Variants in DIAPH2 observed in about 807,000 individuals in gnomAD.
The protein encoded by DIAPH2 is protein diaphanous homolog 2.
DIAPH2 carries 35 observed loss-of-function variants against 92.7 expected under a neutral mutation model. That is an observed-to-expected ratio of 0.38 (90% CI 0.29 to 0.50). The LOEUF (loss-of-function observed/expected upper bound fraction) is 0.50, where lower values mean the gene tolerates loss of function less well. Ranked by LOEUF, DIAPH2 falls within the 20% of genes least tolerant of loss-of-function variation. DIAPH2 has a pLI of 0.94. For missense variants in DIAPH2, 701 were observed against 819.5 expected (o/e 0.86, Z 1.77); for synonymous variants, 301 against 280.4 (o/e 1.07, Z -0.73).
chrX:97,379,151 GGAATC>G (rs1466483479), intron 24 of DIAPH2, among the ~76,000 whole-genome samples: 16 of 110,799 alleles, frequency 1.4e-4, no homozygotes, highest in African/African-American at 4.9e-4. Flanking sequence ...TGATATATAT[GGAATC>G]GTAGAATTAC....
chrX:97,498,135 T>C (rs5920925), intron 26 of DIAPH2, among the ~76,000 whole-genome samples: 48,497 of 110,155 alleles, frequency 0.44, 9,228 homozygotes, highest in Non-Finnish European at 0.59. Context: ...TGTAACTTAC[T>C]AATCCTTCTA....
rs902659285 is a variant in DIAPH2, at chrX:96,850,068, T to C, written c.448-31511T>C. On this transcript the variant is annotated intron_variant, in intron 4 of 26. Coordinates refer to ENST00000324765, the MANE Select transcript of DIAPH2 (RefSeq NM_006729.5). ...TAGAAATAATTATTCCTAGAGACCATGTGATATTTCCACCTTTAGTGTCTA... is the reference window on the plus strand; with the variant it reads ...TAGAAATAATTATTCCTAGAGACCACGTGATATTTCCACCTTTAGTGTCTA... 5.4e-5 allele frequency among the ~76,000 whole-genome samples: 6 copies of C among 111,269 alleles called. No homozygotes were observed. The Admixed American group carries it at 5.8e-4, about 11-fold the overall frequency.
chrX:97,196,337 T>C (rs2067704045), intron 22 of DIAPH2, among the ~76,000 whole-genome samples: 1 of 112,225 alleles, frequency 8.9e-6, no homozygotes. Context: ...CCTTTGCTCA[T>C]TCAGTTCCAT....
chrX:97,093,226 G>T (rs1349247631), intron 19 of DIAPH2, among the ~76,000 whole-genome samples: 1 of 102,462 alleles, frequency 9.8e-6, no homozygotes, highest in Non-Finnish European at 2.0e-5. Context: ...AGAGAGGGAG[G>T]GAGGGAGGGG....
intron 20 of DIAPH2, among the ~76,000 whole-genome samples, chrX:97,103,360 C>A (rs183883408): frequency 1.3e-3 from 143 of 111,128 alleles, no homozygotes; most frequent in African/African-American, 4.4e-3. Flanking sequence ...CTTGCTACTG[C>A]CTTCTCTCCA....
intron 17 of DIAPH2, among the ~76,000 whole-genome samples, chrX:96,965,901 A>G (rs1010546018): frequency 1.8e-5 from 2 of 111,085 alleles, no homozygotes; most frequent in African/African-American, 6.5e-5. Flanking sequence ...TTATTTCACT[A>G]ATTATTGTAG....
chrX:97,369,829 G>C (rs1039749568), intron 24 of DIAPH2, among the ~76,000 whole-genome samples: 4 of 110,850 alleles, frequency 3.6e-5, no homozygotes, highest in Non-Finnish European at 7.6e-5. Flanking sequence ...TTCTTTGAAA[G>C]AATCTGTTCC....
intron 22 of DIAPH2, among the ~76,000 whole-genome samples, chrX:97,209,057 CATCA>C (rs1372543320): frequency 2.7e-5 from 3 of 110,951 alleles, no homozygotes; most frequent in South Asian, 3.9e-4. Flanking sequence ...GTACCAAAAT[CATCA>C]ATCAGTCTTC....
intron 26 of DIAPH2, among the ~76,000 whole-genome samples, chrX:97,566,027 A>G (rs943681821): frequency 2.7e-5 from 3 of 112,227 alleles, no homozygotes; most frequent in African/African-American, 9.7e-5. Context: ...CCCTGTAAAC[A>G]ATTAATAGGT....
intron 16 of DIAPH2, among the ~76,000 whole-genome samples, chrX:96,964,539 A>G (rs970406650): frequency 1.8e-5 from 2 of 111,708 alleles, no homozygotes; most frequent in African/African-American, 6.5e-5. Context: ...GCCATTTACT[A>G]ATTTGGGCAG....
At chrX:97,262,857 T>C (rs926753437) in intron 23 of DIAPH2, among the ~76,000 whole-genome samples, 16 of 111,628 alleles carry the variant, frequency 1.4e-4, no homozygotes, top group African/African-American at 4.9e-4. Flanking sequence ...TACTCCAACG[T>C]TTAAAAGTTT....
At chrX:97,460,352 ATTAG>A (rs1012980046) in intron 26 of DIAPH2, among the ~76,000 whole-genome samples, 6 of 111,865 alleles carry the variant, frequency 5.4e-5, no homozygotes, top group African/African-American at 1.9e-4. Flanking sequence ...TATTATTTTT[ATTAG>A]TTAGAGTTTA....
At chrX:97,274,053 G>GTGTGTA (rs2068415422) in intron 23 of DIAPH2, among the ~76,000 whole-genome samples, 1 of 90,096 alleles carries the variant, frequency 1.1e-5, no homozygotes, top group Non-Finnish European at 2.3e-5. Flanking sequence ...GTGTGTGTGT[G>GTGTGTA]TATAGAGAGA....
intron 17 of DIAPH2, among the ~76,000 whole-genome samples, chrX:97,010,967 C>T (rs1325442215): frequency 1.8e-5 from 2 of 111,886 alleles, no homozygotes; most frequent in African/African-American, 3.3e-5. Flanking sequence ...GAGAAGGAAA[C>T]AATCTAAATC....
chrX:97,209,863 C>T (rs192737164), intron 22 of DIAPH2, among the ~76,000 whole-genome samples: 84 of 110,322 alleles, frequency 7.6e-4, no homozygotes, highest in Non-Finnish European at 8.1e-4. Flanking sequence ...ATGATTTTAA[C>T]GGAAATCACT....
intron 4 of DIAPH2, among the ~76,000 whole-genome samples, chrX:96,831,490 T>A (rs1021268818): frequency 1.4e-4 from 16 of 111,808 alleles, no homozygotes; most frequent in African/African-American, 4.9e-4. Context: ...TTTCACTTTT[T>A]AAAAAAAATC....
At chrX:97,175,032 G>A (rs1339632345) in intron 22 of DIAPH2, among the ~76,000 whole-genome samples, 2 of 111,686 alleles carry the variant, frequency 1.8e-5, no homozygotes, top group Non-Finnish European at 3.8e-5. Context: ...AAAATGTCTA[G>A]CCAGTGGATT....
chrX:97,224,223 T>A (rs2067948428), intron 22 of DIAPH2, among the ~76,000 whole-genome samples: 1 of 112,062 alleles, frequency 8.9e-6, no homozygotes, highest in Non-Finnish European at 1.9e-5. Flanking sequence ...TCACTTAGTA[T>A]CTGCTTCATC....
intron 22 of DIAPH2, among the ~76,000 whole-genome samples, chrX:97,212,749 G>A (rs1370471572): frequency 9.1e-6 from 1 of 110,087 alleles, no homozygotes; most frequent in South Asian, 3.8e-4. Context: ...ATAACTTCTT[G>A]AGACATTAGT....
Sources: gnomAD v4.1 joint callset for allele counts (sites outside exome capture counted in the v4.1 genomes callset) on GRCh38, gnomAD v4.1.1 for gene constraint, MANE v1.5 for transcripts, NCBI Gene and HGNC (gene_info 2026-07-23, HGNC 2026-07-21) for gene names.